Variants in RIT2 observed in about 807,000 individuals in gnomAD.
The protein encoded by RIT2 is Ras like without CAAX 2, also known as GTP-binding protein Rit2.
In RIT2, 24 loss-of-function variants were observed where a neutral mutation model predicts 23.7. That is an observed-to-expected ratio of 1.01 (90% CI 0.73 to 1.43). The LOEUF (loss-of-function observed/expected upper bound fraction) is 1.43, where lower values mean the gene tolerates loss of function less well. Among genes scored for constraint, RIT2 ranks in the 40% most tolerant of loss-of-function variants. The probability of loss-of-function intolerance (pLI) is 0.00; values close to 1 mark genes in which losing one functional copy is unlikely to be tolerated. For missense variants in RIT2, 236 were observed against 266.9 expected, an observed-to-expected ratio of 0.88 and a Z score of 0.81; for synonymous variants, 107 against 91.1, an observed-to-expected ratio of 1.17 and a Z score of -0.99.
intron 1 of RIT2, among the ~76,000 whole-genome samples, chr18:43,049,381 T>A (rs1912323821): frequency 1.3e-5 from 2 of 152,176 alleles, no homozygotes; most frequent in Admixed American, 1.3e-4. Context: ...TTTCTTTAGT[T>A]CTAAATCACA....
intron 4 of RIT2, among the ~76,000 whole-genome samples, chr18:42,855,880 A>G (rs1386839862): frequency 6.6e-6 from 1 of 152,160 alleles, no homozygotes; most frequent in African/African-American, 2.4e-5. Context: ...TAACTCTGCT[A>G]GCTGAATCAT....
chr18:42,768,638 G>C (rs540597998), intron 4 of RIT2, among the ~76,000 whole-genome samples: 2 of 151,864 alleles, frequency 1.3e-5, no homozygotes, highest in African/African-American at 4.8e-5. Flanking sequence ...ATTTCCTGTT[G>C]CTTAAAACAG....
intron 4 of RIT2, among the ~76,000 whole-genome samples, chr18:42,909,434 T>A (rs1168936415): frequency 6.6e-6 from 1 of 152,066 alleles, no homozygotes; most frequent in Non-Finnish European, 1.5e-5. Flanking sequence ...AACCATGTAA[T>A]CAAAACACAC....
intron 3 of RIT2, among the ~76,000 whole-genome samples, chr18:42,924,764 T>C (rs184234564): frequency 1.1e-3 from 172 of 152,192 alleles, no homozygotes; most frequent in African/African-American, 3.5e-3. Flanking sequence ...CCTAGCAAAG[T>C]GTTTATAAGA....
intron 3 of RIT2, among the ~76,000 whole-genome samples, chr18:42,965,913 T>G (rs1377140517): frequency 3.3e-5 from 5 of 151,838 alleles, no homozygotes; most frequent in Admixed American, 2.0e-4. Context: ...AAACAGCTTT[T>G]AGAAGAAGTA....
intron 4 of RIT2, among the ~76,000 whole-genome samples, chr18:42,876,181 TATAGAA>T (rs1286508658): frequency 6.6e-6 from 1 of 151,982 alleles, no homozygotes; most frequent in Non-Finnish European, 1.5e-5. Context: ...TAACTTTTAG[TATAGAA>T]ATTAGATCTC....
intron 4 of RIT2, among the ~76,000 whole-genome samples, chr18:42,760,366 A>C (rs1433468713): frequency 6.6e-6 from 1 of 152,200 alleles, no homozygotes; most frequent in Non-Finnish European, 1.5e-5. Context: ...GTTTGTTAAG[A>C]AGCAGCAGCC....
chr18:42,998,044 A>G (rs1911025957), intron 2 of RIT2, among the ~76,000 whole-genome samples: 1 of 152,126 alleles, frequency 6.6e-6, no homozygotes, highest in African/African-American at 2.4e-5. Context: ...TCACCACAAT[A>G]CATTTTTTTT....
At chr18:42,873,519 T>G (rs1446686252) in intron 4 of RIT2, among the ~76,000 whole-genome samples, 1 of 152,132 alleles carries the variant, frequency 6.6e-6, no homozygotes, top group Non-Finnish European at 1.5e-5. Context: ...CTAAGTAATA[T>G]TCCCCATATT....
At chr18:42,825,091 G>T (rs1252846869) in intron 4 of RIT2, among the ~76,000 whole-genome samples, 1 of 151,628 alleles carries the variant, frequency 6.6e-6, no homozygotes, top group Non-Finnish European at 1.5e-5. Context: ...TGATAATTTG[G>T]TCAAACTTAT....
chr18:42,962,799 G>T (rs1420802986), intron 3 of RIT2, among the ~76,000 whole-genome samples: 2 of 152,090 alleles, frequency 1.3e-5, no homozygotes, highest in African/African-American at 4.8e-5. Context: ...ATTTTCATTT[G>T]CATTAAATAG....
chr18:42,967,172 C>CTA (rs1159001900), intron 3 of RIT2, among the ~76,000 whole-genome samples: 6 of 151,912 alleles, frequency 3.9e-5, no homozygotes, highest in Admixed American at 2.6e-4. Context: ...ATATTTCTCT[C>CTA]TCTATATATA....
intron 4 of RIT2, among the ~76,000 whole-genome samples, chr18:42,868,230 A>G (rs1907525769): frequency 6.6e-6 from 1 of 152,218 alleles, no homozygotes; most frequent in South Asian, 2.1e-4. Context: ...ACATTGAGAA[A>G]TGTGATTTAA....
intron 4 of RIT2, among the ~76,000 whole-genome samples, chr18:42,756,212 G>T (rs1171574674): frequency 6.6e-6 from 1 of 152,136 alleles, no homozygotes; most frequent in Non-Finnish European, 1.5e-5. Flanking sequence ...TTTTTAAAAA[G>T]CCTATTTCTT....
intron 4 of RIT2, among the ~76,000 whole-genome samples, chr18:42,788,543 C>G (rs1913972062): frequency 6.6e-6 from 1 of 152,122 alleles, no homozygotes; most frequent in Admixed American, 6.5e-5. Flanking sequence ...ATGGTTTACT[C>G]TCAAGTGAAT....
At chr18:42,872,944 A>T (rs2144066231) in intron 4 of RIT2, among the ~76,000 whole-genome samples, 1 of 152,242 alleles carries the variant, frequency 6.6e-6, no homozygotes, top group East Asian at 1.9e-4. Context: ...TAGATGTATA[A>T]CAATGAGTAT....
At chr18:42,980,148 C>A (rs1482171941) in intron 2 of RIT2, among the ~76,000 whole-genome samples, 1 of 152,110 alleles carries the variant, frequency 6.6e-6, no homozygotes, top group Non-Finnish European at 1.5e-5. Flanking sequence ...GTAAAACTGG[C>A]TGAACTGAGT....
chr18:42,864,648 C>A (rs141280501), intron 4 of RIT2, among the ~76,000 whole-genome samples: 4 of 152,254 alleles, frequency 2.6e-5, no homozygotes, highest in African/African-American at 9.6e-5. Context: ...TACACCATGC[C>A]ACTCAATCTG....
At chr18:43,070,345 G>T (rs1368674080) in intron 1 of RIT2, among the ~76,000 whole-genome samples, 1 of 152,104 alleles carries the variant, frequency 6.6e-6, no homozygotes, top group African/African-American at 2.4e-5. Flanking sequence ...TCTGCTTTTA[G>T]AAATATTTCA....
Sources: allele counts gnomAD v4.1 joint callset (sites outside exome capture counted in the v4.1 genomes callset), GRCh38; gene constraint gnomAD v4.1.1; transcripts MANE v1.5; gene names NCBI Gene and HGNC (gene_info 2026-07-23, HGNC 2026-07-21).